Variants in TH observed in about 807,000 individuals in gnomAD.
The protein encoded by TH is tyrosine hydroxylase, also known as tyrosine 3-monooxygenase.
Under a neutral mutation model 57.4 loss-of-function variants are expected in TH, and 49 were observed. The observed-to-expected ratio is 0.85, with a 90% CI of 0.68 to 1.08. The LOEUF (loss-of-function observed/expected upper bound fraction) is 1.08. TH is among the 50% of genes least tolerant of loss of function. The pLI, the probability that TH is intolerant of heterozygous loss-of-function variation, is 0.00. For synonymous variants in TH, 330 were observed against 304.5 expected (o/e 1.08, Z -0.87); for missense variants, 720 against 696.7 (o/e 1.03, Z -0.38).
chr11:2,171,580 G>T lies in TH; in HGVS notation c.90+117C>A. On this transcript the variant is annotated intron_variant, in intron 1 of 12. Coordinates refer to ENST00000352909, the MANE Select transcript of TH (RefSeq NM_000360.4). The surrounding 1 kb of genome is among the most constrained non-coding windows in gnomAD (Gnocchi z 8.6). ...TCCACATCCACGCCGCGTCCCAGGG[G>T]TTTGCATGGACCCTGAGCCTGGGGC... 1 of 1,146,044 alleles carries T rather than the reference G, an allele frequency of 8.7e-7. No individual in the cohort carries two copies. The highest frequency in any genetic ancestry group is 1.3e-6 in the Non-Finnish European group (1 of 785,712). 71.0% of individuals were successfully genotyped at this position (1,146,044 alleles called of 1,614,324 possible).
Position 2,171,424 on chromosome 11 carries a change from A to C in TH, c.90+273T>G, listed in dbSNP as rs905059038. Among the ~76,000 whole-genome samples the C allele has an allele frequency of 1.3e-5, 2 of 151,278 alleles. No individual in the cohort carries two copies. Among genetic ancestry groups the C allele is most frequent in the Non-Finnish European group, 2.9e-5 (2 of 67,798 alleles). On this transcript the variant is annotated intron_variant, in intron 1 of 12. Coordinates refer to ENST00000352909, the MANE Select transcript of TH (RefSeq NM_000360.4). This position sits in a 1 kb window ranked among gnomAD's most constrained non-coding sequence, Gnocchi z 8.6. ...GATCGTTAAGATTCAAGATGAAACA[A>C]GACACAGAGACCCACACGACCCCCG...
Position 2,166,490 on chromosome 11 carries a change from T to C in TH, c.1037A>G (p.Gln346Arg). 5.0e-6 allele frequency: 8 copies of C among 1,591,172 alleles called. No homozygotes were observed. The highest frequency in any genetic ancestry group is 6.0e-6 in the Non-Finnish European group (7 of 1,174,838). Residue 346 changes from glutamine (Q) to arginine (R), a missense_variant, in exon 9 of 13, where the codon CAG becomes CGG. Gln to Arg is a conservative substitution (Grantham distance 43). Coordinates refer to ENST00000352909, the MANE Select transcript of TH (RefSeq NM_000360.4). ...GAGGCCGCGGCGTACCTGCGAGAACTGCGCGAAGGTGCGGTCGGCCAGCAT... is the reference window on the plus strand; with the variant it reads ...GAGGCCGCGGCGTACCTGCGAGAACCGCGCGAAGGTGCGGTCGGCCAGCAT... ...VPMLADRTFAQFSQDIGLASL... is the reference protein window; with the variant it reads ...VPMLADRTFARFSQDIGLASL...
At chr11:2,168,054 A>T in intron 4 of TH, 37 bp downstream of exon 4, 1 of 1,611,432 alleles carries the variant, frequency 6.2e-7, no homozygotes, top group East Asian at 2.2e-5. Flanking sequence ...GGATGTGATC[A>T]GGGGCAGGAG....
chr11:2,171,675 G>T lies in TH; in HGVS notation c.90+22C>A. 2 of 1,609,286 alleles carry T rather than the reference G, an allele frequency of 1.2e-6. No individual in the cohort carries two copies. The highest frequency in any genetic ancestry group is 2.7e-5 in the African/African-American group (2 of 74,968). On this transcript the variant is annotated intron_variant, in intron 1 of 12. Coordinates refer to ENST00000352909, the MANE Select transcript of TH (RefSeq NM_000360.4). This position sits in a 1 kb window ranked among gnomAD's most constrained non-coding sequence, Gnocchi z 8.6. ...TGGGCTCCGGTCCACTGCGGCCGCC[G>T]GGCACCTACCTGCCCTCTTACCATG... is the stretch of plus-strand genomic sequence containing the variant.
chr11:2,167,142 C>G, intron 6 of TH, 110 bp from the exon 7 acceptor site: 1 of 1,482,716 alleles, frequency 6.7e-7, no homozygotes, highest in Non-Finnish European at 9.1e-7. Flanking sequence ...ACGCAGGCCT[C>G]TTGGGGACCC....
intron 5 of TH, 141 bp from the exon 6 acceptor site, chr11:2,167,626 C>T (rs1465248564): frequency 8.6e-7 from 1 of 1,159,228 alleles, no homozygotes; most frequent in Non-Finnish European, 1.2e-6. Flanking sequence ...GGAGGGTGCA[C>T]CCCAGCTGAC....
In TH at chr11:2,167,446, C is replaced by T. The variant is rs11564716; in HGVS notation, c.684G>A (p.Glu228=). ...PIPRVEYTAE[E]IATWKEVYTT... ...CACGGAGGTCTCACCAGGTGGCAAT[C>T]TCCTCGGCGGTGTACTCCACACGGG... Residue 228 remains glutamate (E), a synonymous_variant, in exon 6 of 13, where the codon GAG becomes GAA. Coordinates refer to ENST00000352909, the MANE Select transcript of TH (RefSeq NM_000360.4). 8.6e-3 allele frequency: 13,478 copies of T among 1,563,192 alleles called. 78 individuals carry two copies. The highest frequency in any genetic ancestry group is 0.01 in the Non-Finnish European group (11,934 of 1,153,704).
rs759797905 is a variant in TH, at chr11:2,166,029, C to T, written c.1077G>A (p.Ser359=). The T allele has an allele frequency of 2.9e-5, 45 of 1,560,696 alleles. 1 individual carries two copies. In the Admixed American group the frequency reaches 6.2e-4, roughly 22 times the overall value. ...TGGACAGCTTCTCAATTTCCTCATC[C>T]GAGGCCCCCAGGGACGCCAGGCCAA... The part of the protein sequence containing the change: ...QDIGLASLGA[S]DEEIEKLSTL... Residue 359 remains serine, a synonymous_variant, in exon 10 of 13, where the codon TCG becomes TCA. Transcript: ENST00000352909.
Position 2,169,680 on chromosome 11 carries a change from C to G in TH, c.282G>C (p.Ser94=), listed in dbSNP as rs75348531. ...LLFSPRATKP[S]ALSRAVKVFE... The stretch of plus-strand genomic sequence containing the variant: ...ACACCTTCACAGCTCGGGACAGCGC[C>G]GAGGGCTTGGTGGCCCTCGGGGAGA... Residue 94 remains serine (S), a synonymous_variant, in exon 2 of 13, where the codon TCG becomes TCC. Coordinates refer to ENST00000352909, the MANE Select transcript of TH (RefSeq NM_000360.4). The G allele has an allele frequency of 2.1e-5, 34 of 1,613,298 alleles. No homozygotes were observed. Among genetic ancestry groups the G allele is most frequent in the Non-Finnish European group, 2.6e-5 (31 of 1,179,948 alleles).
At chr11:2,168,850 G>A in intron 2 of TH, 185 bp from the exon 3 acceptor site, 1 of 744,794 alleles carries the variant, frequency 1.3e-6, no homozygotes, top group Non-Finnish European at 2.2e-6. Context: ...CCAGGCCAGG[G>A]TTTGCCACTG....
rs1321062382 is a variant in TH, at chr11:2,169,714, T to C, written c.248A>G (p.Asn83Ser). ...FEEKEGKAVLNLLFSPRATKP... is the reference protein window; with the variant it reads ...FEEKEGKAVLSLLFSPRATKP... ...GGTGGCCCTCGGGGAGAAGAGCAGG[T>C]TTAGCACGGCCTTCCCCTCCTTCTC... Residue 83 changes from asparagine (N) to serine (S), a missense_variant, in exon 2 of 13, where the codon AAC (asparagine) becomes AGC (serine). Coordinates refer to ENST00000352909, the MANE Select transcript of TH (RefSeq NM_000360.4). The C allele has an allele frequency of 6.2e-7, 1 of 1,613,192 alleles. No homozygotes were observed. Among genetic ancestry groups the C allele is most frequent in the Non-Finnish European group, 8.5e-7 (1 of 1,179,894 alleles).
At chr11:2,167,713 G>T in intron 5 of TH, 153 bp downstream of exon 5, 3 of 1,164,692 alleles carry the variant, frequency 2.6e-6, no homozygotes, top group Non-Finnish European at 3.7e-6. Context: ...CTGGGATTTG[G>T]GGACATGGAA....
intron 5 of TH, 118 bp from the exon 6 acceptor site, chr11:2,167,603 T>A (rs995152728): frequency 7.7e-7 from 1 of 1,300,270 alleles, no homozygotes; most frequent in Non-Finnish European, 1.1e-6. Context: ...GCCTTTGGGT[T>A]GGAGGATGGA....
In TH at chr11:2,168,071, G is replaced by A; in HGVS notation, c.576+20C>T. The A allele has an allele frequency of 6.2e-7, 1 of 1,613,042 alleles. No individual in the cohort carries two copies. The highest frequency in any genetic ancestry group is 8.5e-7 in the Non-Finnish European group (1 of 1,179,754). ...ATGTGATCAGGGGCAGGAGGCCTGAGTGAGGGGCGCACCACTCACCGGGTG... is the reference window on the plus strand; with the variant it reads ...ATGTGATCAGGGGCAGGAGGCCTGAATGAGGGGCGCACCACTCACCGGGTG... On this transcript the variant is annotated intron_variant, in intron 4 of 12. Transcript: ENST00000352909.
chr11:2,166,113 G>A, intron 9 of TH, 55 bp from the exon 10 acceptor site: 1 of 1,537,072 alleles, frequency 6.5e-7, no homozygotes, highest in Non-Finnish European at 8.8e-7. Context: ...TCATGCTCGA[G>A]GTGGGGGCAC....
intron 3 of TH, 76 bp downstream of exon 3, chr11:2,168,415 G>A (rs958703213): frequency 1.9e-6 from 3 of 1,583,092 alleles, no homozygotes; most frequent in East Asian, 2.3e-5. Flanking sequence ...TCACTGTAGG[G>A]TCCCCCTGCA....
chr11:2,167,085 C>T, intron 6 of TH, 53 bp from the exon 7 acceptor site: 7 of 1,548,010 alleles, frequency 4.5e-6, no homozygotes, highest in East Asian at 2.4e-5. Flanking sequence ...GTGCCCGAAA[C>T]CCCCCTCCTG....
At chr11:2,166,323 C>T in intron 9 of TH, 157 bp downstream of exon 9, 1 of 1,100,918 alleles carries the variant, frequency 9.1e-7, no homozygotes, top group Non-Finnish European at 1.3e-6. Context: ...CCGCTCCAGC[C>T]CCGCCCTATG....
In TH at chr11:2,171,643, C is replaced by A. The variant is rs2133703888; in HGVS notation, c.90+54G>T. 1.3e-6 allele frequency: 2 copies of A among 1,589,214 alleles called. No individual in the cohort carries two copies. Among genetic ancestry groups the A allele is most frequent in the Non-Finnish European group, 1.7e-6 (2 of 1,166,850 alleles). On this transcript the variant is annotated intron_variant, in intron 1 of 12. Transcript: ENST00000352909. This position sits in a 1 kb window ranked among gnomAD's most constrained non-coding sequence, Gnocchi z 8.6. ...TGGGGAGTAGCAGAGGCAGCTGGCA[C>A]CAGCCCTGGGCTCCGGTCCACTGCG... is the stretch of plus-strand genomic sequence containing the variant.
Sources: gnomAD v4.1 joint callset for allele counts (sites outside exome capture counted in the v4.1 genomes callset) on GRCh38, gnomAD v4.1.1 for gene constraint, Gnocchi (gnomAD v3.1) non-coding constraint, MANE v1.5 for transcripts, NCBI Gene and HGNC (gene_info 2026-07-23, HGNC 2026-07-21) for gene names.